QTMAN: variants seen among roughly 807,000 people sequenced by gnomAD.
QTMAN encodes queuosine-tRNA mannosyltransferase.
At chr2:144,309,772 T>G in the QTMAN span, among the ~76,000 whole-genome samples, 1 of 152,170 alleles carries the variant, frequency 6.6e-6, no homozygotes. Context: ...TAAATATGAT[T>G]TAATTAAAAA....
At chr2:144,274,903 G>A in the QTMAN span, among the ~76,000 whole-genome samples, 1 of 152,144 alleles carries the variant, frequency 6.6e-6, no homozygotes, top group African/African-American at 2.4e-5. Context: ...GGGTTGTAGG[G>A]AGCAGTACTG....
the QTMAN span, among the ~76,000 whole-genome samples, chr2:144,300,371 G>A: frequency 6.6e-6 from 1 of 151,982 alleles, no homozygotes; most frequent in Non-Finnish European, 1.5e-5. Flanking sequence ...AACAAGCGGG[G>A]AAAAATGCTA....
the QTMAN span, among the ~76,000 whole-genome samples, chr2:144,311,914 TTC>T: frequency 5.9e-5 from 9 of 152,220 alleles, no homozygotes; most frequent in African/African-American, 2.2e-4. Flanking sequence ...ACCTTACATA[TTC>T]TGTTTAAGCA....
the QTMAN span, among the ~76,000 whole-genome samples, chr2:143,973,010 A>G: frequency 6.6e-6 from 1 of 152,238 alleles, no homozygotes; most frequent in South Asian, 2.1e-4. Context: ...TAATTATTTT[A>G]GGAGACATGA....
the QTMAN span, among the ~76,000 whole-genome samples, chr2:144,144,224 C>T: frequency 6.6e-6 from 1 of 151,924 alleles, no homozygotes; most frequent in Non-Finnish European, 1.5e-5. Flanking sequence ...CCTCAAACGG[C>T]ATGTGACCCA....
chr2:144,172,142 T>C, the QTMAN span, among the ~76,000 whole-genome samples: 1 of 152,086 alleles, frequency 6.6e-6, no homozygotes, highest in Non-Finnish European at 1.5e-5. Context: ...ATAAAAATAT[T>C]TTTGTTGCTA....
the QTMAN span, among the ~76,000 whole-genome samples, chr2:144,084,505 C>A: frequency 2.0e-5 from 3 of 152,164 alleles, no homozygotes; most frequent in Non-Finnish European, 4.4e-5. Flanking sequence ...TTTTATTCCT[C>A]CTAAATGTTG....
chr2:144,097,223 G>A, the QTMAN span, among the ~76,000 whole-genome samples: 2 of 152,146 alleles, frequency 1.3e-5, no homozygotes, highest in Admixed American at 1.3e-4. Flanking sequence ...TGTTCTATCT[G>A]CTAACACATT....
chr2:144,312,432 G>A, the QTMAN span, among the ~76,000 whole-genome samples: 2 of 152,004 alleles, frequency 1.3e-5, no homozygotes, highest in Admixed American at 1.3e-4. Flanking sequence ...ACTCAAGTCT[G>A]GTTACCTCCC....
At chr2:144,131,464 T>C in the QTMAN span, among the ~76,000 whole-genome samples, 1 of 151,868 alleles carries the variant, frequency 6.6e-6, no homozygotes, top group African/African-American at 2.4e-5. Flanking sequence ...TGTTTCTCTG[T>C]TTCTTATCTC....
chr2:144,189,975 A>G, the QTMAN span, among the ~76,000 whole-genome samples: 1 of 152,156 alleles, frequency 6.6e-6, no homozygotes, highest in Non-Finnish European at 1.5e-5. Context: ...TTAGTATTTT[A>G]TAGTAAATGT....
the QTMAN span, among the ~76,000 whole-genome samples, chr2:144,270,919 G>C: frequency 6.6e-6 from 1 of 152,214 alleles, no homozygotes; most frequent in East Asian, 1.9e-4. Flanking sequence ...AAAAGATCTG[G>C]TAGGAAAGAG....
At chr2:144,279,434 A>T in the QTMAN span, among the ~76,000 whole-genome samples, 2 of 151,970 alleles carry the variant, frequency 1.3e-5, no homozygotes, top group Non-Finnish European at 1.5e-5. Flanking sequence ...CAACACTACT[A>T]CACTGTTAGA....
At chr2:144,053,254 C>T in the QTMAN span, among the ~76,000 whole-genome samples, 7 of 152,154 alleles carry the variant, frequency 4.6e-5, no homozygotes, top group African/African-American at 1.7e-4. Flanking sequence ...TACCAGATCA[C>T]AGTGTTAAAT....
At chr2:144,185,935 G>A in the QTMAN span, among the ~76,000 whole-genome samples, 11 of 152,132 alleles carry the variant, frequency 7.2e-5, no homozygotes, top group African/African-American at 2.4e-4. Flanking sequence ...TTATAAAGTC[G>A]TACACAAATG....
chr2:144,165,142 C>T, the QTMAN span, among the ~76,000 whole-genome samples: 8 of 152,040 alleles, frequency 5.3e-5, no homozygotes, highest in East Asian at 5.8e-4. Flanking sequence ...TAGGCCGAGG[C>T]GGGTGGATCA....
chr2:143,943,938 T>G, the QTMAN span: 1 of 152,202 alleles, frequency 6.6e-6, no homozygotes, highest in Non-Finnish European at 1.5e-5. Flanking sequence ...CAAGCTGTAT[T>G]TCAAGACACT....
At chr2:144,320,131 A>G in the QTMAN span, among the ~76,000 whole-genome samples, 1 of 152,196 alleles carries the variant, frequency 6.6e-6, no homozygotes, top group African/African-American at 2.4e-5. Flanking sequence ...TATGAAGCTA[A>G]ATTTCCACTT....
the QTMAN span, among the ~76,000 whole-genome samples, chr2:144,240,869 T>C: frequency 2.6e-5 from 4 of 152,184 alleles, no homozygotes; most frequent in Non-Finnish European, 5.9e-5. Flanking sequence ...GTCAGCTGCT[T>C]CACTTAATAC....
Sources: allele counts gnomAD v4.1 joint callset (sites outside exome capture counted in the v4.1 genomes callset), GRCh38; gene constraint gnomAD v4.1.1; transcripts MANE v1.5; gene names NCBI Gene and HGNC (gene_info 2026-07-23, HGNC 2026-07-21).